The following PUDP variants were observed in gnomAD, a reference collection of about 807,000 sequenced individuals.
The protein encoded by PUDP is pseudouridine-5'-phosphatase.
Under a neutral mutation model 9.4 loss-of-function variants are expected in PUDP, and 8 were observed. The ratio of observed to expected loss-of-function variants is 0.85; its 90% CI spans 0.50 to 1.53. The LOEUF (loss-of-function observed/expected upper bound fraction) is 1.53, where lower values mean the gene tolerates loss of function less well. Among genes scored for constraint, PUDP ranks in the 40% most tolerant of loss-of-function variants. The pLI, the probability that PUDP is intolerant of heterozygous loss-of-function variation, is 0.00. For missense variants in PUDP, 188 were observed against 189.7 expected (o/e 0.99, Z 0.05); for synonymous variants, 99 against 80.7 (o/e 1.23, Z -1.22).
chrX:7,086,142 G>A (rs1434517715), intron 2 of PUDP, among the ~76,000 whole-genome samples: 1 of 111,416 alleles, frequency 9.0e-6, no homozygotes, highest in Non-Finnish European at 1.9e-5. Flanking sequence ...AAAATGCCCA[G>A]TCACCTCTGG....
chrX:6,830,373 GAGA>G (rs1569107378), intron 3 of PUDP, among the ~76,000 whole-genome samples: 1 of 111,528 alleles, frequency 9.0e-6, no homozygotes, highest in Non-Finnish European at 1.9e-5. Flanking sequence ...AAAAAAAAGT[GAGA>G]AGAAGAAAAA....
chrX:6,758,649 A>G (rs1208377399), intron 3 of PUDP, among the ~76,000 whole-genome samples: 3 of 111,356 alleles, frequency 2.7e-5, no homozygotes, highest in African/African-American at 3.3e-5. Context: ...ATCCTAGCAC[A>G]GAAAAGGGAG....
At position 6,934,079 on chromosome X, in the gene PUDP, C is replaced by A. The variant is rs1270016177; in HGVS notation, c.*247+43054G>T. On this transcript the variant is annotated intron_variant and NMD_transcript_variant, in intron 3 of 3. Coordinates refer to the PUDP transcript ENST00000655425. ...CTCTGCAGGGTATTATCCAGGAGAA[C>A]TTCCCCAATCTAGCAAGGCAGGCCA... 3.0e-5 allele frequency among the ~76,000 whole-genome samples: 3 copies of A among 100,293 alleles called. No homozygotes were observed. The Admixed American group carries it at 3.5e-4, about 12-fold the overall frequency. 87.1% of individuals were successfully genotyped at this position (100,293 alleles called of 115,157 possible).
chrX:6,916,246 A>ACACCCACC (rs1555916574), intron 3 of PUDP, among the ~76,000 whole-genome samples: 5 of 71,553 alleles, frequency 7.0e-5, no homozygotes, highest in African/African-American at 3.3e-4. Flanking sequence ...ACACACACAC[A>ACACCCACC]CACCCTGGGG....
chrX:6,902,948 C>T (rs958339197), intron 3 of PUDP, among the ~76,000 whole-genome samples: 18 of 111,529 alleles, frequency 1.6e-4, no homozygotes, highest in Non-Finnish European at 3.2e-4. Context: ...TCTTTAAAAA[C>T]AAGGTATTCG....
chrX:6,931,883 C>T (rs1301939531), intron 3 of PUDP, among the ~76,000 whole-genome samples: 1 of 111,473 alleles, frequency 9.0e-6, no homozygotes, highest in African/African-American at 3.3e-5. Flanking sequence ...ACAACAACAA[C>T]AAAAGACTTC....
chrX:6,755,823 G>C (rs1925162354), intron 3 of PUDP, among the ~76,000 whole-genome samples: 1 of 110,019 alleles, frequency 9.1e-6, no homozygotes, highest in Non-Finnish European at 1.9e-5. Flanking sequence ...TGCTCAGTGA[G>C]AAGATAAAGT....
intron 1 of PUDP, among the ~76,000 whole-genome samples, chrX:6,712,105 C>A (rs138288200): frequency 0.017 from 1,845 of 111,815 alleles, 31 homozygotes; most frequent in African/African-American, 0.057. Flanking sequence ...GGATGCAATG[C>A]CCTCAAGGAG....
chrX:7,145,194 T>G (rs1330388048), intron 1 of PUDP, among the ~76,000 whole-genome samples: 1 of 112,453 alleles, frequency 8.9e-6, no homozygotes, highest in Admixed American at 9.5e-5. Context: ...TGACTTTGTA[T>G]TAAATAATAT....
At chrX:6,924,625 CAT>C (rs1169689540) in intron 3 of PUDP, among the ~76,000 whole-genome samples, 2 of 112,143 alleles carry the variant, frequency 1.8e-5, no homozygotes, top group South Asian at 3.7e-4. Flanking sequence ...GGATACACCA[CAT>C]GTTGAGTGGC....
chrX:6,778,495 C>T (rs1925504385), intron 3 of PUDP, among the ~76,000 whole-genome samples: 1 of 112,852 alleles, frequency 8.9e-6, no homozygotes, highest in South Asian at 3.6e-4. Context: ...AGTTCCCCTG[C>T]ATGTCACCTG....
chrX:7,125,021 T>TA (rs386416559), intron 1 of PUDP, among the ~76,000 whole-genome samples: 4,592 of 103,854 alleles, frequency 0.044, 235 homozygotes, highest in African/African-American at 0.15. Context: ...TCAAACATAT[T>TA]AAAAAAAAAC....
At chrX:6,770,564 C>G (rs1925348445) in intron 3 of PUDP, among the ~76,000 whole-genome samples, 1 of 110,957 alleles carries the variant, frequency 9.0e-6, no homozygotes, top group Non-Finnish European at 1.9e-5. Context: ...TACAGAAAGT[C>G]AGCACACATC....
intron 3 of PUDP, among the ~76,000 whole-genome samples, chrX:6,893,762 G>T (rs984881643): frequency 4.5e-5 from 5 of 111,444 alleles, no homozygotes; most frequent in Non-Finnish European, 7.5e-5. Context: ...ATACTCAAAA[G>T]AATCTAAATC....
At chrX:6,769,701 T>C (rs771827354) in intron 3 of PUDP, among the ~76,000 whole-genome samples, 1 of 112,717 alleles carries the variant, frequency 8.9e-6, no homozygotes, top group East Asian at 2.8e-4. Context: ...TTATCATTGC[T>C]GCATCTTCCT....
intron 1 of PUDP, among the ~76,000 whole-genome samples, chrX:7,001,844 G>A (rs1339246855): frequency 8.9e-6 from 1 of 111,836 alleles, no homozygotes; most frequent in Non-Finnish European, 1.9e-5. Context: ...AAATGCCAAA[G>A]TCAAATGCTT....
rs772284621 is a variant in PUDP at position 6,857,434 on chromosome X, A to T, written c.*247+119699T>A. On this transcript the variant is annotated intron_variant and NMD_transcript_variant, in intron 3 of 3. Transcript: ENST00000655425. ...ATGTTTCAAATTATGGGAATTTTTT[A>T]AAATTATTATGATGATTTTGAGACA... Among the ~76,000 whole-genome samples the T allele has an allele frequency of 1.7e-3, 196 of 112,351 alleles. 1 individual carries two copies. Among genetic ancestry groups the T allele is most frequent in the African/African-American group, 5.8e-3 (181 of 31,006 alleles).
intron 3 of PUDP, among the ~76,000 whole-genome samples, chrX:6,743,038 A>G (rs1449788184): frequency 8.9e-6 from 1 of 112,228 alleles, no homozygotes; most frequent in African/African-American, 3.3e-5. Flanking sequence ...ACCTTGCCCT[A>G]TTCTCCTTCA....
chrX:6,801,050 T>A lies in PUDP; in HGVS notation c.*248-94584A>T, dbSNP rs747665415. On this transcript the variant is annotated intron_variant and NMD_transcript_variant, in intron 3 of 3. Transcript: ENST00000655425. ...GCTGACAGAGCCCGCGAAGACTTGC[T>A]GTTTGATCCCAGGGATGCAAGCCTT... Among the ~76,000 whole-genome samples, 112 of 112,146 alleles carry A rather than the reference T, an allele frequency of 1.0e-3. 1 individual carries two copies. The highest frequency in any genetic ancestry group is 3.5e-3 in the African/African-American group (109 of 30,879).
Sources: allele counts gnomAD v4.1 joint callset (sites outside exome capture counted in the v4.1 genomes callset), GRCh38; gene constraint gnomAD v4.1.1; transcripts MANE v1.5; gene names NCBI Gene and HGNC (gene_info 2026-07-23, HGNC 2026-07-21).